WDPCP: variants seen among roughly 807,000 people sequenced by gnomAD.
The protein encoded by WDPCP is WD repeat-containing and planar cell polarity effector protein fritz homolog.
A neutral mutation model predicts 93.1 loss-of-function variants in WDPCP; 71 were observed. That is an observed-to-expected ratio of 0.76 (90% CI 0.63 to 0.93). WDPCP has a LOEUF of 0.93. Among genes scored for constraint, WDPCP ranks in the 40% least tolerant of loss-of-function variants. The pLI is 0.00. For synonymous variants in WDPCP, 315 were observed against 315.0 expected (o/e 1.00, Z 0.00); for missense variants, 844 against 887.4 (o/e 0.95, Z 0.62).
At chr2:63,750,980 T>C (rs1293948710) in intron 2 of WDPCP, among the ~76,000 whole-genome samples, 6 of 152,174 alleles carry the variant, frequency 3.9e-5, no homozygotes, top group Admixed American at 3.3e-4. Flanking sequence ...AGAGTTATGG[T>C]GGCCTCACGA....
intron 2 of WDPCP, among the ~76,000 whole-genome samples, chr2:63,666,724 C>T (rs1710287606): frequency 6.6e-6 from 1 of 152,128 alleles, no homozygotes; most frequent in Non-Finnish European, 1.5e-5. Context: ...TCTTTCTACC[C>T]CACCATTTTC....
chr2:63,593,523 G>T (rs2106602022), upstream of WDPCP: 1 of 470,708 alleles, frequency 2.1e-6, no homozygotes. Flanking sequence ...ATCCATCCTT[G>T]TTTCGTCTCA....
At chr2:63,179,392 C>T (rs1674067423) in intron 14 of WDPCP, among the ~76,000 whole-genome samples, 1 of 151,826 alleles carries the variant, frequency 6.6e-6, no homozygotes, top group South Asian at 2.1e-4. Context: ...GCAGATTTCT[C>T]ATAAATGGTT....
At chr2:63,433,029 CT>C (rs971750882) in intron 9 of WDPCP, among the ~76,000 whole-genome samples, 31 of 152,062 alleles carry the variant, frequency 2.0e-4, no homozygotes, top group African/African-American at 7.5e-4. Flanking sequence ...GGAGAGGGAG[CT>C]TTTTTTACAG....
intron 2 of WDPCP, among the ~76,000 whole-genome samples, chr2:63,808,394 C>G (rs12995820): frequency 0.12 from 17,470 of 148,546 alleles, 1,294 homozygotes; most frequent in South Asian, 0.17. Flanking sequence ...GATGCCGAGC[C>G]GAAGCTGGAC....
chr2:63,204,942 A>C (rs1676218973), intron 14 of WDPCP, among the ~76,000 whole-genome samples: 1 of 152,122 alleles, frequency 6.6e-6, no homozygotes. Context: ...AATGCCCTGG[A>C]GCATTTCCCC....
At chr2:63,530,028 G>A (rs1703703715) in intron 1 of WDPCP, among the ~76,000 whole-genome samples, 1 of 152,160 alleles carries the variant, frequency 6.6e-6, no homozygotes, top group South Asian at 2.1e-4. Context: ...TTGTATTTCT[G>A]TGGGATCGGT....
chr2:63,122,634 T>C (rs1169968240), intron 17 of WDPCP, among the ~76,000 whole-genome samples: 1 of 152,160 alleles, frequency 6.6e-6, no homozygotes, highest in African/African-American at 2.4e-5. Context: ...AAACAGAAGA[T>C]CTTATGGGCT....
At chr2:63,650,493 T>C (rs1023688340) in intron 3 of WDPCP, among the ~76,000 whole-genome samples, 11 of 152,248 alleles carry the variant, frequency 7.2e-5, no homozygotes, top group Admixed American at 7.2e-4. Flanking sequence ...CCATGGCTTC[T>C]TTACTTGTCT....
chr2:63,205,017 G>A (rs1676223291), intron 14 of WDPCP, among the ~76,000 whole-genome samples: 1 of 152,030 alleles, frequency 6.6e-6, no homozygotes, highest in Non-Finnish European at 1.5e-5. Flanking sequence ...TTTGATTTTT[G>A]TATATGGCAA....
At chr2:63,128,414 C>T (rs1459115043) in intron 17 of WDPCP, among the ~76,000 whole-genome samples, 1 of 152,010 alleles carries the variant, frequency 6.6e-6, no homozygotes, top group African/African-American at 2.4e-5. Flanking sequence ...AGAATGTTCC[C>T]AAGAGGTAAC....
At chr2:63,354,091 G>A (rs1367786084) in intron 12 of WDPCP, among the ~76,000 whole-genome samples, 4 of 152,088 alleles carry the variant, frequency 2.6e-5, no homozygotes, top group Non-Finnish European at 4.4e-5. Context: ...GACTAACAAA[G>A]GGGCAAAGAC....
intron 14 of WDPCP, among the ~76,000 whole-genome samples, chr2:63,182,435 T>A (rs1268943419): frequency 6.6e-6 from 1 of 152,076 alleles, no homozygotes; most frequent in East Asian, 1.9e-4. Context: ...CCTTATGTAA[T>A]GAATCAAATT....
Position 63,378,385 on chromosome 2 carries a change from C to T in WDPCP, c.1748+1G>A, listed in dbSNP as rs752331179. ...CTAATCAATCCAAACATATCATTCA[C>T]CTGAGCAAGTGATGGAAGAATCTCC... On this transcript the variant is annotated splice_donor_variant, in intron 12 of 17. Coordinates refer to ENST00000272321, the MANE Select transcript of WDPCP (RefSeq NM_015910.7). LOFTEE classifies it high-confidence loss of function. 5 of 1,612,872 alleles carry T rather than the reference C, an allele frequency of 3.1e-6. No homozygotes were observed. In the East Asian group the frequency reaches 8.9e-5, roughly 29 times the overall value.
chr2:63,708,506 T>A (rs1434015111), intron 2 of WDPCP, among the ~76,000 whole-genome samples: 2 of 152,160 alleles, frequency 1.3e-5, no homozygotes, highest in Admixed American at 1.3e-4. Context: ...AGTGACCCGA[T>A]TTTCCAGGTG....
intron 14 of WDPCP, among the ~76,000 whole-genome samples, chr2:63,251,865 G>T (rs186791942): frequency 2.2e-4 from 34 of 151,876 alleles, no homozygotes; most frequent in African/African-American, 8.2e-4. Flanking sequence ...GTATAAAGAA[G>T]AACTTGTACC....
In WDPCP at chr2:63,362,277, T is replaced by TTGGG. The variant is rs1553362983; in HGVS notation, c.1748+16108_1748+16109insCCCA. 1.1e-4 allele frequency among the ~76,000 whole-genome samples: 10 copies of TTGGG among 94,130 alleles called. 1 individual carries two copies. The highest frequency in any genetic ancestry group is 6.8e-4 in the East Asian group (2 of 2,944). The allele number at this position is 94,130 out of a possible 152,430, so 61.8% of individuals were successfully genotyped here. ...GAATCCCTTTTTTTTTTTTTTTTGG[T>TTGGG]TGTGTGTGTGTGTGTGTGTGTGTGT... On this transcript the variant is annotated intron_variant, in intron 12 of 17. Transcript: ENST00000272321.
chr2:63,295,896 A>T (rs1244846026), intron 13 of WDPCP, among the ~76,000 whole-genome samples: 2 of 151,362 alleles, frequency 1.3e-5, no homozygotes, highest in Admixed American at 6.6e-5. Flanking sequence ...AAAAAAAAAA[A>T]AAAAAAAATC....
At chr2:63,566,275 G>A (rs992940377) in intron 1 of WDPCP, among the ~76,000 whole-genome samples, 4 of 152,184 alleles carry the variant, frequency 2.6e-5, no homozygotes, top group Admixed American at 1.3e-4. Flanking sequence ...GAGATAGATG[G>A]ATATCTGATT....
Sources: gnomAD v4.1 joint callset for allele counts (sites outside exome capture counted in the v4.1 genomes callset) on GRCh38, gnomAD v4.1.1 for gene constraint, MANE v1.5 for transcripts, NCBI Gene and HGNC (gene_info 2026-07-23, HGNC 2026-07-21) for gene names.